SMC3: variants seen among roughly 807,000 people sequenced by gnomAD.
SMC3 encodes structural maintenance of chromosomes protein 3.
A neutral mutation model predicts 171.8 loss-of-function variants in SMC3; 20 were observed. That is an observed-to-expected ratio of 0.12 (90% CI 0.08 to 0.17). SMC3 has a LOEUF of 0.17. Ranked by LOEUF, SMC3 falls within the 10% of genes least tolerant of loss-of-function variation. The probability of loss-of-function intolerance (pLI) is 1.00; values close to 1 mark genes in which losing one functional copy is unlikely to be tolerated. For missense variants in SMC3, 543 were observed against 1,420.4 expected (o/e 0.38, Z 9.93); for synonymous variants, 464 against 451.1 (o/e 1.03, Z -0.36).
In SMC3 at chr10:110,569,019, T is replaced by C. The variant is rs754362047; in HGVS notation, c.91+6T>C. ...TTCAAAACATAATGTGATTGGTAAG[T>C]GTTCTTGGTTTACTCGGTCATATTT... is the stretch of plus-strand genomic sequence containing the variant. On this transcript the variant is annotated splice_donor_region_variant and intron_variant, in intron 2 of 28. Transcript: ENST00000361804. The C allele has an allele frequency of 4.5e-6, 7 of 1,564,158 alleles. No homozygotes were observed. The highest frequency in any genetic ancestry group is 1.7e-5 in the Admixed American group (1 of 59,956).
At chr10:110,600,602 T>C in intron 22 of SMC3, 56 bp downstream of exon 22, 1 of 877,976 alleles carries the variant, frequency 1.1e-6, no homozygotes, top group Non-Finnish European at 2.0e-6. Context: ...CATGACCTAT[T>C]GCAAGTGGTT....
chr10:110,573,845 C>A, intron 3 of SMC3, 100 bp downstream of exon 3: 2 of 846,112 alleles, frequency 2.4e-6, no homozygotes, highest in South Asian at 1.4e-5. Context: ...TTCATGAAAC[C>A]CAAGAAATAC....
At chr10:110,577,780 A>G in intron 5 of SMC3, 55 bp from the exon 6 acceptor site, 1 of 1,243,038 alleles carries the variant, frequency 8.0e-7, no homozygotes, top group Non-Finnish European at 1.2e-6. Flanking sequence ...ACCTTATTTA[A>G]AAAGTTTTCT....
rs190153881 is a variant in SMC3 at position 110,570,286 on chromosome 10, T to C, written c.91+1273T>C. Among the ~76,000 whole-genome samples the C allele has an allele frequency of 2.1e-3, 325 of 152,332 alleles. 1 individual carries two copies. The highest frequency in any genetic ancestry group is 7.4e-3 in the African/African-American group (307 of 41,570). On this transcript the variant is annotated intron_variant, in intron 2 of 28. Coordinates refer to ENST00000361804, the MANE Select transcript of SMC3 (RefSeq NM_005445.4). ...TCAGTTCAATTCAGTCTGTGGTGCG[T>C]GGGTGAGATTCACATTACTAATGTT...
rs185570392 is a variant in SMC3, at chr10:110,605,176, A to T, written c.*874A>T. 6.6e-6 allele frequency among the ~76,000 whole-genome samples: 1 copy of T among 152,288 alleles called. No homozygotes were observed. Among genetic ancestry groups the T allele is most frequent in the East Asian group, 1.9e-4 (1 of 5,190 alleles). The stretch of plus-strand genomic sequence containing the variant: ...TGTTTTATCACTGATGTTTACCTTG[A>T]TCACCTACCCAACATTGTACTTGCC... On this transcript the variant is annotated 3_prime_UTR_variant, in exon 29 of 29. Coordinates refer to ENST00000361804, the MANE Select transcript of SMC3 (RefSeq NM_005445.4).
At chr10:110,571,534 T>C (rs1860872198) in intron 2 of SMC3, among the ~76,000 whole-genome samples, 1 of 152,218 alleles carries the variant, frequency 6.6e-6, no homozygotes, top group African/African-American at 2.4e-5. Context: ...TGTGGTGCTC[T>C]GGGAACTAAC....
chr10:110,577,076 A>C (rs1442300947), intron 4 of SMC3, among the ~76,000 whole-genome samples: 1 of 152,196 alleles, frequency 6.6e-6, no homozygotes, highest in Non-Finnish European at 1.5e-5. Context: ...AGTGGTCTGT[A>C]GAATCATATT....
chr10:110,590,973 T>TA lies in SMC3; in HGVS notation c.1671-17dup. ...CCTGAGTACCAATAAAGATTTGTCT[T>TA]ACTCTGTTTATATTTAGGTTATTTT... On this transcript the variant is annotated splice_polypyrimidine_tract_variant and intron_variant, in intron 16 of 28. Transcript: ENST00000361804. 6.2e-7 allele frequency: 1 copy of TA among 1,611,332 alleles called. No individual in the cohort carries two copies. Among genetic ancestry groups the TA allele is most frequent in the Non-Finnish European group, 8.5e-7 (1 of 1,177,692 alleles).
At chr10:110,602,260 T>G in intron 25 of SMC3, 82 bp downstream of exon 25, 1 of 1,338,514 alleles carries the variant, frequency 7.5e-7, no homozygotes, top group Non-Finnish European at 1.1e-6. Context: ...ATTTTAAAGC[T>G]GTTTTCCTCA....
chr10:110,599,499 G>C (rs1192718051), intron 20 of SMC3, among the ~76,000 whole-genome samples, 155 bp from the exon 21 acceptor site: 5 of 152,092 alleles, frequency 3.3e-5, no homozygotes, highest in African/African-American at 1.2e-4. Context: ...TATTTTTCTT[G>C]TTGCTAGAGT....
intron 20 of SMC3, among the ~76,000 whole-genome samples, chr10:110,598,834 C>A (rs1861342059): frequency 6.6e-6 from 1 of 152,134 alleles, no homozygotes; most frequent in Non-Finnish European, 1.5e-5. Flanking sequence ...GAAGCTGTGA[C>A]ATAAGAGTAC....
chr10:110,601,490 C>A, intron 23 of SMC3, 147 bp from the exon 24 acceptor site: 1 of 802,854 alleles, frequency 1.2e-6, no homozygotes, highest in East Asian at 2.5e-5. Context: ...TTTGTACTGA[C>A]TTAACATGGT....
chr10:110,581,093 T>C lies in SMC3; in HGVS notation c.547+72T>C, dbSNP rs796815327. ...TTTTTGTGACAGAGTGGCTCCATGA[T>C]GGGAATATAGTAGGTGTTTAGTATA... On this transcript the variant is annotated intron_variant, in intron 8 of 28. Coordinates refer to ENST00000361804, the MANE Select transcript of SMC3 (RefSeq NM_005445.4). 3 of 837,064 alleles carry C rather than the reference T, an allele frequency of 3.6e-6. No individual in the cohort carries two copies. In the African/African-American group the frequency reaches 5.0e-5, roughly 14 times the overall value. 51.9% of individuals were successfully genotyped at this position (837,064 alleles called of 1,614,324 possible).
chr10:110,601,827 A>G lies in SMC3; in HGVS notation c.2835A>G (p.Glu945=), dbSNP rs1298145602. 8 of 1,613,846 alleles carry G rather than the reference A, an allele frequency of 5.0e-6. No individual in the cohort carries two copies. The highest frequency in any genetic ancestry group is 1.3e-5 in the African/African-American group (1 of 74,896). ...AAGAGTGTATGAAGAAAATTCGAGAACTTGGATCACTTCCCCAGGAAGCAT... is the reference window on the plus strand; with the variant it reads ...AAGAGTGTATGAAGAAAATTCGAGAGCTTGGATCACTTCCCCAGGAAGCAT... The part of the protein sequence containing the change: ...KKEECMKKIR[E]LGSLPQEAFE... Residue 945 remains glutamate (E), a synonymous_variant, in exon 24 of 29, where the codon GAA becomes GAG. Transcript: ENST00000361804.
In SMC3 at chr10:110,582,203, TAAAA is replaced by T. The variant is rs367741874; in HGVS notation, c.723+110_723+113del. Reference sequence around the variant, plus strand: ...TTTTCAGTGATTTTAAATAGAAACTTAAAAAAAACCTCTCAATGAATTTATTAGT... The same window carrying T: ...TTTTCAGTGATTTTAAATAGAAACTTAAAACCTCTCAATGAATTTATTAGT... On this transcript the variant is annotated intron_variant, in intron 9 of 28. Coordinates refer to ENST00000361804, the MANE Select transcript of SMC3 (RefSeq NM_005445.4). 485 of 1,052,150 alleles carry T rather than the reference TAAAA, an allele frequency of 4.6e-4. 1 individual carries two copies. The African/African-American group carries it at 5.4e-3, about 12-fold the overall frequency. The allele number at this position is 1,052,150 out of a possible 1,614,324, so 65.2% of individuals were successfully genotyped here.
intron 2 of SMC3, among the ~76,000 whole-genome samples, 154 bp from the exon 3 acceptor site, chr10:110,573,553 T>G (rs1860904349): frequency 1.3e-5 from 1 of 75,168 alleles, no homozygotes; most frequent in Non-Finnish European, 2.7e-5. Context: ...ATTATAGTTG[T>G]TTTATTGGTT....
Position 110,593,432 on chromosome 10 carries a change from T to TGTGGTGGTGTGCAC in SMC3, c.1963+210_1963+223dup, listed in dbSNP as rs1186843692. ...ATTAAAAATACAAAGATTAGCTGGG[T>TGTGGTGGTGTGCAC]GTGGTGGTGTGCACCTGTAGTCCCA... On this transcript the variant is annotated intron_variant, in intron 18 of 28. Coordinates refer to ENST00000361804, the MANE Select transcript of SMC3 (RefSeq NM_005445.4). Among the ~76,000 whole-genome samples, 6 of 151,986 alleles carry TGTGGTGGTGTGCAC rather than the reference T, an allele frequency of 3.9e-5. No homozygotes were observed. The East Asian group carries it at 5.8e-4, about 15-fold the overall frequency.
chr10:110,580,817 A>G (rs1189193219), intron 7 of SMC3, 87 bp from the exon 8 acceptor site: 2 of 789,970 alleles, frequency 2.5e-6, no homozygotes, highest in Non-Finnish European at 4.6e-6. Context: ...CCCAACCTTC[A>G]TGTGTATTAA....
intron 13 of SMC3, among the ~76,000 whole-genome samples, chr10:110,586,746 C>T (rs1018997539): frequency 2.0e-5 from 3 of 152,150 alleles, no homozygotes; most frequent in African/African-American, 7.2e-5. Flanking sequence ...CAACTTCTGC[C>T]TCCTGGGTTC....
Sources: allele counts gnomAD v4.1 joint callset (sites outside exome capture counted in the v4.1 genomes callset), GRCh38; gene constraint gnomAD v4.1.1; transcripts MANE v1.5; gene names NCBI Gene and HGNC (gene_info 2026-07-23, HGNC 2026-07-21).